FAM20C: variants seen among roughly 807,000 people sequenced by gnomAD.
FAM20C encodes the protein FAM20C golgi associated secretory pathway kinase, also known as extracellular serine/threonine protein kinase FAM20C.
Under a neutral mutation model 51.5 loss-of-function variants are expected in FAM20C, and 40 were observed. The observed-to-expected ratio is 0.78, with a 90% CI of 0.60 to 1.01. The LOEUF is 1.01. FAM20C is among the 50% of genes least tolerant of loss of function. The probability of loss-of-function intolerance (pLI) is 0.00; values close to 1 mark genes in which losing one functional copy is unlikely to be tolerated. For missense variants in FAM20C, 861 were observed against 844.7 expected (o/e 1.02, Z -0.24); for synonymous variants, 406 against 380.6 (o/e 1.07, Z -0.78).
At chr7:209,662 G>T (rs1392293765) in intron 3 of FAM20C, among the ~76,000 whole-genome samples, 1 of 152,254 alleles carries the variant, frequency 6.6e-6, no homozygotes, top group Non-Finnish European at 1.5e-5. Flanking sequence ...GCTGGGTGGG[G>T]TCTGTGGCAG....
chr7:208,898 C>G lies in FAM20C; in HGVS notation c.785C>G (p.Ala262Gly), dbSNP rs1786572658. The change falls in exon 3 of 10, where the codon GCC (alanine) becomes GGC (glycine). Residue 262 changes from alanine to glycine, a missense_variant and splice_region_variant. Transcript: ENST00000313766. ...DLSSQRITSV[A>G]MKSGGTQLKL... is the part of the protein sequence containing the mutation. ...CTGTTTCTCTCCCTCCTTCCTGCAG[C>G]CATGAAGTCGGGGGGCACGCAGCTG... 1 of 1,571,194 alleles carries G rather than the reference C, an allele frequency of 6.4e-7. No individual in the cohort carries two copies. The highest frequency in any genetic ancestry group is 8.6e-7 in the Non-Finnish European group (1 of 1,158,094).
intron 3 of FAM20C, among the ~76,000 whole-genome samples, chr7:223,416 G>C (rs565380234): frequency 1.3e-5 from 2 of 152,204 alleles, no homozygotes; most frequent in African/African-American, 4.8e-5. Flanking sequence ...AGAGCCTGCC[G>C]GGGTAGAGGC....
intron 4 of FAM20C, among the ~76,000 whole-genome samples, chr7:247,846 G>A (rs932180910): frequency 5.9e-5 from 9 of 152,178 alleles, no homozygotes; most frequent in Non-Finnish European, 1.2e-4. Context: ...CCTGGCAGAC[G>A]GCCCACGTCC....
intron 5 of FAM20C, among the ~76,000 whole-genome samples, chr7:250,663 G>T (rs148575535): frequency 1.3e-5 from 2 of 152,128 alleles, no homozygotes; most frequent in Admixed American, 1.3e-4. Flanking sequence ...CCCTTGGGTC[G>T]ACCCTGACCG....
chr7:198,140 T>C (rs1420484908), intron 2 of FAM20C, among the ~76,000 whole-genome samples: 1 of 152,062 alleles, frequency 6.6e-6, no homozygotes, highest in African/African-American at 2.4e-5. Context: ...TCTTCTGGGG[T>C]GGGGACCCGT....
At chr7:226,495 G>A (rs758345313) in intron 3 of FAM20C, among the ~76,000 whole-genome samples, 1 of 152,224 alleles carries the variant, frequency 6.6e-6, no homozygotes, top group African/African-American at 2.4e-5. Context: ...GGGAGTCGCT[G>A]TCCCGCAGCC....
intron 3 of FAM20C, among the ~76,000 whole-genome samples, chr7:210,225 G>A (rs888525041): frequency 6.3e-5 from 9 of 142,362 alleles, no homozygotes; most frequent in Non-Finnish European, 1.1e-4. Context: ...CCAGCCCTGC[G>A]GGGGGCCTGA....
chr7:197,917 T>G (rs1785956456), intron 2 of FAM20C, among the ~76,000 whole-genome samples: 5 of 152,182 alleles, frequency 3.3e-5, no homozygotes, highest in Admixed American at 3.3e-4. Context: ...CCACCCCTCT[T>G]TGGTCCAGCT....
At chr7:230,172 TC>T (rs1194788499) in intron 3 of FAM20C, among the ~76,000 whole-genome samples, 1 of 152,036 alleles carries the variant, frequency 6.6e-6, no homozygotes, top group African/African-American at 2.4e-5. Flanking sequence ...CAATCCCCTG[TC>T]CTCATAAGAG....
At chr7:251,928 G>A (rs1468868998) in intron 5 of FAM20C, among the ~76,000 whole-genome samples, 3 of 152,146 alleles carry the variant, frequency 2.0e-5, no homozygotes, top group Admixed American at 6.5e-5. Flanking sequence ...ATTGTCAGGC[G>A]CCCCTGAACG....
chr7:233,335 A>G (rs1156700732), intron 3 of FAM20C, among the ~76,000 whole-genome samples: 1 of 152,196 alleles, frequency 6.6e-6, no homozygotes, highest in Non-Finnish European at 1.5e-5. Flanking sequence ...TTTGGAGGAA[A>G]CAGGTCGTAA....
At chr7:215,326 G>A (rs28498791) in intron 3 of FAM20C, among the ~76,000 whole-genome samples, 16 of 3,980 alleles carry the variant, frequency 4.0e-3, no homozygotes, top group African/African-American at 0.015. Context: ...GGGTGGGGGG[G>A]GCAGGGCCCG....
chr7:211,885 G>A (rs1263327779), intron 3 of FAM20C, among the ~76,000 whole-genome samples: 1 of 152,212 alleles, frequency 6.6e-6, no homozygotes, highest in Non-Finnish European at 1.5e-5. Context: ...AGGCGGGCGG[G>A]CGTGTGCGAA....
chr7:250,662 C>T (rs1434767676), intron 5 of FAM20C, among the ~76,000 whole-genome samples: 1 of 152,174 alleles, frequency 6.6e-6, no homozygotes, highest in Non-Finnish European at 1.5e-5. Context: ...GCCCTTGGGT[C>T]GACCCTGACC....
At chr7:205,715 T>C (rs1176422972) in intron 2 of FAM20C, among the ~76,000 whole-genome samples, 1 of 152,140 alleles carries the variant, frequency 6.6e-6, no homozygotes, top group Non-Finnish European at 1.5e-5. Context: ...GCTCCTCCCT[T>C]GTGCCCAAGT....
In FAM20C at chr7:223,151, G is replaced by T. The variant is rs117645995; in HGVS notation, c.863+14175G>T. Among the ~76,000 whole-genome samples, 883 of 152,262 alleles carry T rather than the reference G, an allele frequency of 5.8e-3. 3 individuals carry two copies. The highest frequency in any genetic ancestry group is 8.9e-3 in the Non-Finnish European group (604 of 68,004). ...GTGTGTTCCTATGAAGGGCAGATGG[G>T]ACCAGGGCTGGTCCCCAGTTCTCAG... On this transcript the variant is annotated intron_variant, in intron 3 of 9. Coordinates refer to ENST00000313766, the MANE Select transcript of FAM20C (RefSeq NM_020223.4).
intron 2 of FAM20C, among the ~76,000 whole-genome samples, chr7:205,057 C>G (rs1786290538): frequency 6.6e-6 from 1 of 152,256 alleles, no homozygotes; most frequent in South Asian, 2.1e-4. Flanking sequence ...TCTGCAGGAG[C>G]AGCCGAGTTT....
chr7:204,667 C>T (rs1238806279), intron 2 of FAM20C, among the ~76,000 whole-genome samples: 4 of 152,224 alleles, frequency 2.6e-5, no homozygotes, highest in East Asian at 1.9e-4. Context: ...TGGCCTTTGC[C>T]GTGGTGAGCG....
chr7:254,723 A>G (rs1192354865), intron 5 of FAM20C, among the ~76,000 whole-genome samples: 1 of 152,166 alleles, frequency 6.6e-6, no homozygotes, highest in East Asian at 1.9e-4. Context: ...GCTGACCCCA[A>G]AAAGGAGCCC....
Sources: allele counts gnomAD v4.1 joint callset (sites outside exome capture counted in the v4.1 genomes callset), GRCh38; gene constraint gnomAD v4.1.1; transcripts MANE v1.5; gene names NCBI Gene and HGNC (gene_info 2026-07-23, HGNC 2026-07-21).